The following HDAC4 variants were observed in gnomAD, a reference collection of about 807,000 sequenced individuals.
HDAC4 encodes the protein histone deacetylase 4.
HDAC4 carries 16 observed loss-of-function variants against 135.1 expected under a neutral mutation model. The ratio of observed to expected loss-of-function variants is 0.12; its 90% CI spans 0.08 to 0.18. The LOEUF is 0.18. HDAC4 is among the 10% of genes least tolerant of loss of function. HDAC4 has a pLI of 1.00. For missense variants in HDAC4, 1,143 were observed against 1,511.8 expected (o/e 0.76, Z 4.05); for synonymous variants, 685 against 653.4 (o/e 1.05, Z -0.74).
intron 19 of HDAC4, among the ~76,000 whole-genome samples, chr2:239,084,610 A>C (rs538201315): frequency 8.7e-5 from 13 of 149,468 alleles, no homozygotes; most frequent in Non-Finnish European, 1.6e-4. Flanking sequence ...CACACCCCCC[A>C]CAGACACACA....
chr2:239,384,686 C>G (rs1362349989), intron 1 of HDAC4, among the ~76,000 whole-genome samples: 3 of 152,142 alleles, frequency 2.0e-5, no homozygotes, highest in Non-Finnish European at 4.4e-5. Context: ...AGGAATGGGT[C>G]CTAGGCGGCA....
In HDAC4 at chr2:239,285,676, T is replaced by A. The variant is rs2051099367; in HGVS notation, c.23-49012A>T. Among the ~76,000 whole-genome samples, 1 of 152,256 alleles carries A rather than the reference T, an allele frequency of 6.6e-6. No homozygotes were observed. ...GAAACCCCAGGTTCTGCATAAGACA[T>A]ACCTTCTGTCACACTGCTGGGCTCA... On this transcript the variant is annotated intron_variant, in intron 2 of 26. Transcript: ENST00000543185. This position sits in a 1 kb window ranked among gnomAD's most constrained non-coding sequence, Gnocchi z 4.5.
chr2:239,165,197 T>G lies in HDAC4; in HGVS notation c.491-1274A>C, dbSNP rs1054955003. On this transcript the variant is annotated intron_variant, in intron 5 of 26. Transcript: ENST00000543185. ...AAGACTGTGCCACTGCACTCCACCC[T>G]GCGCAATGCGAGTTTAGACCCTGTC... Among the ~76,000 whole-genome samples, 7 of 151,830 alleles carry G rather than the reference T, an allele frequency of 4.6e-5. No individual in the cohort carries two copies. The South Asian group carries it at 1.3e-3, about 27-fold the overall frequency.
At chr2:239,217,911 A>C (rs891678484) in intron 3 of HDAC4, among the ~76,000 whole-genome samples, 1 of 152,126 alleles carries the variant, frequency 6.6e-6, no homozygotes, top group African/African-American at 2.4e-5. Context: ...GGCCAACATC[A>C]TAAGACCCCA....
intron 22 of HDAC4, among the ~76,000 whole-genome samples, chr2:239,074,165 T>C (rs2034503413): frequency 6.6e-6 from 1 of 152,250 alleles, no homozygotes; most frequent in Non-Finnish European, 1.5e-5. Flanking sequence ...CGCTTCTAAT[T>C]ATTTTAATAA....
chr2:239,147,260 G>A (rs550259201), intron 7 of HDAC4, among the ~76,000 whole-genome samples: 12 of 152,338 alleles, frequency 7.9e-5, no homozygotes, highest in South Asian at 4.1e-4. Context: ...CGCATACCAC[G>A]AGGACCGGCT....
intron 2 of HDAC4, among the ~76,000 whole-genome samples, chr2:239,264,186 T>A (rs2049566403): frequency 6.6e-6 from 1 of 152,136 alleles, no homozygotes; most frequent in South Asian, 2.1e-4. Context: ...ACACCGGAGT[T>A]CCTGCCGCTC....
intron 2 of HDAC4, among the ~76,000 whole-genome samples, chr2:239,348,231 A>G (rs1692857793): frequency 1.3e-5 from 2 of 148,194 alleles, no homozygotes; most frequent in South Asian, 4.3e-4. Context: ...CGTCCCAGCA[A>G]ATGCACTGCT....
intron 23 of HDAC4, among the ~76,000 whole-genome samples, chr2:239,067,632 T>G (rs1559364376): frequency 1.3e-5 from 2 of 152,110 alleles, no homozygotes; most frequent in African/African-American, 4.8e-5. Flanking sequence ...CTTTGCCCTC[T>G]GTCTGGTCAC....
intron 1 of HDAC4, among the ~76,000 whole-genome samples, chr2:239,380,676 G>A (rs1226383983): frequency 2.0e-5 from 3 of 152,094 alleles, no homozygotes; most frequent in African/African-American, 7.2e-5. Context: ...TGGTTACAAT[G>A]GTTAATTTTG....
intron 3 of HDAC4, among the ~76,000 whole-genome samples, chr2:239,191,510 G>T (rs150599919): frequency 2.0e-5 from 3 of 152,374 alleles, no homozygotes; most frequent in South Asian, 2.1e-4. Context: ...CACTGGCTTT[G>T]TCTCCAAACC....
Position 239,349,995 on chromosome 2 carries a change from G to A in HDAC4, c.22+2683C>T, listed in dbSNP as rs1439381607. On this transcript the variant is annotated intron_variant, in intron 2 of 26. Transcript: ENST00000543185. The surrounding 1 kb of genome is among the most constrained non-coding windows in gnomAD (Gnocchi z 5.7). ...TGGGCAGGACAGGCCCGGGCAGGCCGGTGATCAAACTGAACCGCAGCGGCT... is the reference window on the plus strand; with the variant it reads ...TGGGCAGGACAGGCCCGGGCAGGCCAGTGATCAAACTGAACCGCAGCGGCT... Among the ~76,000 whole-genome samples, 1 of 152,178 alleles carries A rather than the reference G, an allele frequency of 6.6e-6. No homozygotes were observed. The highest frequency in any genetic ancestry group is 2.4e-5 in the African/African-American group (1 of 41,438).
At position 239,079,990 on chromosome 2, in the gene HDAC4, A is replaced by G. The variant is rs1001713499; in HGVS notation, c.2750+1105T>C. On this transcript the variant is annotated intron_variant, in intron 22 of 26. Coordinates refer to ENST00000543185, the MANE Select transcript of HDAC4 (RefSeq NM_001378414.1). ...TAGGCATGGACACACACCTGCAGAC[A>G]TGCACATGGCTGTAGACACCTGCAC... is the stretch of plus-strand genomic sequence containing the variant. 1.5e-4 allele frequency among the ~76,000 whole-genome samples: 23 copies of G among 148,698 alleles called. 1 individual carries two copies. Among genetic ancestry groups the G allele is most frequent in the African/African-American group, 5.5e-4 (21 of 38,136 alleles).
At chr2:239,196,924 G>A (rs139501201) in intron 3 of HDAC4, among the ~76,000 whole-genome samples, 606 of 152,310 alleles carry the variant, frequency 4.0e-3, no homozygotes, top group African/African-American at 0.014. Context: ...TGGTGAGGCC[G>A]GCCCAGACGC....
At chr2:239,256,881 T>C (rs1382150460) in intron 2 of HDAC4, among the ~76,000 whole-genome samples, 1 of 136,948 alleles carries the variant, frequency 7.3e-6, no homozygotes, top group Admixed American at 7.3e-5. Flanking sequence ...TACCATTCCA[T>C]TTGTTAGAAT....
chr2:239,076,534 GTC>G (rs764109124), intron 22 of HDAC4, among the ~76,000 whole-genome samples: 6 of 151,676 alleles, frequency 4.0e-5, no homozygotes, highest in Non-Finnish European at 7.4e-5. Context: ...CACACCTTCC[GTC>G]AACACAAGCC....
At chr2:239,085,915 A>G in intron 19 of HDAC4, 1 of 150,432 alleles carries the variant, frequency 6.6e-6, no homozygotes, top group African/African-American at 2.5e-5. Context: ...CCTGTACACG[A>G]AGGAGACTCT....
chr2:239,145,961 A>G lies in HDAC4; in HGVS notation c.734-1247T>C, dbSNP rs202190719. On this transcript the variant is annotated intron_variant, in intron 7 of 26. Transcript: ENST00000543185. ...GTCTTGGAAGGATGTGGGAGAAGCA[A>G]GCTCCCTAAAACAGCCTTCCCAGAG... is the stretch of plus-strand genomic sequence containing the variant. Among the ~76,000 whole-genome samples the G allele has an allele frequency of 4.6e-5, 7 of 152,190 alleles. No individual in the cohort carries two copies. In the East Asian group the frequency reaches 1.4e-3, roughly 29 times the overall value.
intron 3 of HDAC4, among the ~76,000 whole-genome samples, chr2:239,220,608 C>A (rs2046892268): frequency 6.6e-6 from 1 of 152,176 alleles, no homozygotes; most frequent in African/African-American, 2.4e-5. Flanking sequence ...TCATGAAAAT[C>A]TTCAACGACA....
Sources: gnomAD v4.1 joint callset for allele counts (sites outside exome capture counted in the v4.1 genomes callset) on GRCh38, gnomAD v4.1.1 for gene constraint, Gnocchi (gnomAD v3.1) non-coding constraint, MANE v1.5 for transcripts, NCBI Gene and HGNC (gene_info 2026-07-23, HGNC 2026-07-21) for gene names.